MALRD1: variants seen among roughly 807,000 people sequenced by gnomAD.
The protein encoded by MALRD1 is MAM and LDL-receptor class A domain-containing protein 1.
In MALRD1, 247 loss-of-function variants were observed where a neutral mutation model predicts 242.1. That is an observed-to-expected ratio of 1.02 (90% CI 0.92 to 1.13). The LOEUF (loss-of-function observed/expected upper bound fraction) is 1.13. Ranked by LOEUF, MALRD1 falls within the 50% of genes most tolerant of loss-of-function variation. The pLI, the probability that MALRD1 is intolerant of heterozygous loss-of-function variation, is 0.00. For missense variants in MALRD1, 2,989 were observed against 2,533.1 expected (o/e 1.18, Z -3.86); for synonymous variants, 995 against 866.6 (o/e 1.15, Z -2.60).
chr10:19,594,786 G>A (rs1837995650), intron 33 of MALRD1, among the ~76,000 whole-genome samples: 1 of 152,088 alleles, frequency 6.6e-6, no homozygotes, highest in African/African-American at 2.4e-5. Flanking sequence ...TAAGCTGTGA[G>A]GATGCAAATG....
At chr10:19,313,478 C>A (rs1842514819) in intron 21 of MALRD1, among the ~76,000 whole-genome samples, 1 of 150,816 alleles carries the variant, frequency 6.6e-6, no homozygotes, top group Admixed American at 6.6e-5. Flanking sequence ...ACTTTTTTCC[C>A]CAAAATAGCT....
chr10:19,539,895 TGTGC>T (rs1354662523), intron 32 of MALRD1, among the ~76,000 whole-genome samples: 8 of 60,604 alleles, frequency 1.3e-4, no homozygotes, highest in Admixed American at 4.5e-4. Flanking sequence ...TGTGTGTGTG[TGTGC>T]GCGCGCGCGT....
At chr10:19,713,773 A>C (rs1483206441) in intron 38 of MALRD1, among the ~76,000 whole-genome samples, 1 of 152,250 alleles carries the variant, frequency 6.6e-6, no homozygotes, top group East Asian at 1.9e-4. Flanking sequence ...TGCACAATGC[A>C]CAGTGACGTG....
chr10:19,691,356 A>G (rs1337277728), intron 36 of MALRD1, among the ~76,000 whole-genome samples: 2 of 152,108 alleles, frequency 1.3e-5, no homozygotes, highest in Admixed American at 6.6e-5. Context: ...ACTTTTGAGC[A>G]TACAAATTTT....
At chr10:19,366,249 G>A (rs1279840650) in intron 26 of MALRD1, among the ~76,000 whole-genome samples, 1 of 151,742 alleles carries the variant, frequency 6.6e-6, no homozygotes, top group Non-Finnish European at 1.5e-5. Flanking sequence ...GGGGTGATGG[G>A]AGGCAGTGAC....
chr10:19,061,471 CAATA>C (rs548995090), intron 1 of MALRD1, among the ~76,000 whole-genome samples: 23 of 151,718 alleles, frequency 1.5e-4, no homozygotes, highest in African/African-American at 5.1e-4. Context: ...CTCAAATAAC[CAATA>C]AATAAATAAA....
At chr10:19,541,781 G>T (rs976736524) in intron 32 of MALRD1, among the ~76,000 whole-genome samples, 4 of 152,142 alleles carry the variant, frequency 2.6e-5, no homozygotes, top group Non-Finnish European at 4.4e-5. Flanking sequence ...GCAAAGATGG[G>T]TGAATAGGTC....
chr10:19,625,708 A>G (rs1243930386), intron 36 of MALRD1, among the ~76,000 whole-genome samples: 1 of 152,152 alleles, frequency 6.6e-6, no homozygotes, highest in Non-Finnish European at 1.5e-5. Context: ...GGGGTACTGC[A>G]CTTGCTGAAA....
At chr10:19,305,909 CTATATTA>C (rs1298515196) in intron 21 of MALRD1, among the ~76,000 whole-genome samples, 1 of 124,378 alleles carries the variant, frequency 8.0e-6, no homozygotes, top group Non-Finnish European at 1.6e-5. Context: ...ATACTATATA[CTATATTA>C]TATATTATAT....
chr10:19,553,543 C>G (rs1835586751), intron 32 of MALRD1, among the ~76,000 whole-genome samples: 1 of 151,896 alleles, frequency 6.6e-6, no homozygotes, highest in African/African-American at 2.4e-5. Flanking sequence ...GTGTTTAAAT[C>G]CCCTATTTAA....
At chr10:19,583,771 A>G (rs1385365265) in intron 33 of MALRD1, among the ~76,000 whole-genome samples, 1 of 150,958 alleles carries the variant, frequency 6.6e-6, no homozygotes, top group African/African-American at 2.4e-5. Flanking sequence ...CTCTTTTTCT[A>G]TTGATTGGAA....
chr10:19,063,395 C>A (rs140720769), intron 1 of MALRD1, among the ~76,000 whole-genome samples: 3 of 152,070 alleles, frequency 2.0e-5, no homozygotes, highest in African/African-American at 7.2e-5. Flanking sequence ...TGTTGCTTTA[C>A]CCAGACCATA....
chr10:19,465,944 T>C (rs1836198891), intron 29 of MALRD1, among the ~76,000 whole-genome samples: 1 of 152,216 alleles, frequency 6.6e-6, no homozygotes, highest in Admixed American at 6.5e-5. Context: ...GTGAAATAAT[T>C]TGTCAATTTC....
chr10:19,489,092 C>A, intron 29 of MALRD1: 1 of 462,020 alleles, frequency 2.2e-6, no homozygotes, highest in Non-Finnish European at 4.4e-6. Context: ...CTTTCCGGAG[C>A]CAGAATGCCC....
intron 12 of MALRD1, among the ~76,000 whole-genome samples, chr10:19,161,991 G>T (rs1481548031): frequency 1.3e-5 from 2 of 152,084 alleles, no homozygotes; most frequent in Admixed American, 6.6e-5. Flanking sequence ...TCACGCCACT[G>T]CACTCCAGCC....
intron 18 of MALRD1, among the ~76,000 whole-genome samples, chr10:19,239,051 T>G (rs1838636336): frequency 8.6e-6 from 1 of 116,580 alleles, no homozygotes; most frequent in South Asian, 3.3e-4. Context: ...TTTTAGTTTA[T>G]TTTGTCCTTT....
At chr10:19,102,674 T>TA (rs5783652) in intron 4 of MALRD1, among the ~76,000 whole-genome samples, 81,700 of 151,960 alleles carry the variant, frequency 0.54, 22,075 homozygotes, top group Middle Eastern at 0.6. Context: ...ACATCAGTGA[T>TA]ACTCATTAAT....
chr10:19,502,301 CAG>C (rs982385628), intron 31 of MALRD1, among the ~76,000 whole-genome samples: 32 of 152,136 alleles, frequency 2.1e-4, no homozygotes, highest in African/African-American at 5.5e-4. Flanking sequence ...CTAGTAAACT[CAG>C]AGTAATGTTA....
chr10:19,137,124 A>G (rs1025372158), intron 10 of MALRD1, among the ~76,000 whole-genome samples: 23 of 152,258 alleles, frequency 1.5e-4, no homozygotes, highest in African/African-American at 5.3e-4. Flanking sequence ...GGCATATAGT[A>G]TGGGTTGCTA....
Sources: gnomAD v4.1 joint callset for allele counts (sites outside exome capture counted in the v4.1 genomes callset) on GRCh38, gnomAD v4.1.1 for gene constraint, MANE v1.5 for transcripts, NCBI Gene and HGNC (gene_info 2026-07-23, HGNC 2026-07-21) for gene names.